The following RERE variants were observed in gnomAD, a reference collection of about 807,000 sequenced individuals.
The protein encoded by RERE is arginine-glutamic acid dipeptide repeats.
RERE carries 40 observed loss-of-function variants against 146.1 expected under a neutral mutation model. The observed-to-expected ratio is 0.27, with a 90% CI of 0.21 to 0.36. The LOEUF (loss-of-function observed/expected upper bound fraction) is 0.36. Ranked by LOEUF, RERE falls within the 10% of genes least tolerant of loss-of-function variation. The pLI, the probability that RERE is intolerant of heterozygous loss-of-function variation, is 1.00. For synonymous variants in RERE, 1,003 were observed against 866.0 expected, an observed-to-expected ratio of 1.16 and a Z score of -2.78; for missense variants, 1,933 against 2,138.7, an observed-to-expected ratio of 0.90 and a Z score of 1.90.
intron 1 of RERE, among the ~76,000 whole-genome samples, chr1:8,694,977 G>GGGA (rs1553135217): frequency 1.6e-5 from 2 of 127,536 alleles, no homozygotes; most frequent in Admixed American, 8.5e-5. Flanking sequence ...ATCCTAAGGG[G>GGGA]GGGGGGGGAA....
At chr1:8,716,167 A>C (rs998273181) in intron 1 of RERE, among the ~76,000 whole-genome samples, 2 of 151,800 alleles carry the variant, frequency 1.3e-5, no homozygotes, top group African/African-American at 4.8e-5. Context: ...AAAGACAAAA[A>C]GAAAAGATAA....
At chr1:8,565,543 C>T (rs1306021582) in intron 4 of RERE, among the ~76,000 whole-genome samples, 1 of 152,066 alleles carries the variant, frequency 6.6e-6, no homozygotes, top group African/African-American at 2.4e-5. Flanking sequence ...CCTGTCTCTA[C>T]TAAAAATACA....
At chr1:8,382,391 A>G (rs990831472) in intron 12 of RERE, among the ~76,000 whole-genome samples, 1 of 152,260 alleles carries the variant, frequency 6.6e-6, no homozygotes, top group Non-Finnish European at 1.5e-5. Context: ...CTGCCTCCAC[A>G]TGAATTAACG....
At chr1:8,475,104 T>C (rs4995074) in intron 10 of RERE, among the ~76,000 whole-genome samples, 1 of 152,080 alleles carries the variant, frequency 6.6e-6, no homozygotes, top group Admixed American at 6.5e-5. Context: ...CCACGTGCAG[T>C]GGCTTACACC....
intron 1 of RERE, among the ~76,000 whole-genome samples, chr1:8,780,164 C>G (rs1265361010): frequency 6.6e-6 from 1 of 152,188 alleles, no homozygotes; most frequent in Non-Finnish European, 1.5e-5. Flanking sequence ...AATGCCAACT[C>G]TGTCACTAAT....
At chr1:8,534,285 A>G (rs1645696677) in intron 7 of RERE, among the ~76,000 whole-genome samples, 1 of 152,246 alleles carries the variant, frequency 6.6e-6, no homozygotes, top group African/African-American at 2.4e-5. Flanking sequence ...GAAAATTAAG[A>G]AATAAAGACA....
chr1:8,662,880 G>C (rs1299645263), intron 1 of RERE, among the ~76,000 whole-genome samples: 1 of 152,052 alleles, frequency 6.6e-6, no homozygotes, highest in African/African-American at 2.4e-5. Flanking sequence ...CTGTAAAAGG[G>C]GACAAGACCT....
chr1:8,685,889 A>T (rs1639074930), intron 1 of RERE, among the ~76,000 whole-genome samples: 1 of 152,204 alleles, frequency 6.6e-6, no homozygotes, highest in African/African-American at 2.4e-5. Context: ...CTTACTGGAC[A>T]TGTGAGTGGA....
At chr1:8,782,400 T>A (rs1442833858) in intron 1 of RERE, among the ~76,000 whole-genome samples, 1 of 152,168 alleles carries the variant, frequency 6.6e-6, no homozygotes, top group African/African-American at 2.4e-5. Context: ...TCCCTGGACT[T>A]CGTCCTTGAA....
Position 8,360,694 on chromosome 1 carries a change from TG to T in RERE, c.2812del (p.Gln938SerfsTer22), listed in dbSNP as rs1641532840. On this transcript the variant is annotated frameshift_variant, in exon 18 of 23. Coordinates refer to ENST00000400908, the MANE Select transcript of RERE (RefSeq NM_001042681.2). LOFTEE classifies it high-confidence loss of function. Reference sequence around the variant, plus strand: ...CTTGTGGGCCTGTGGCGCCGGCAGCTGGGGGATGGGAGTGGTAGGCGGGGGC... The same window carrying T: ...CTTGTGGGCCTGTGGCGCCGGCAGCTGGGGATGGGAGTGGTAGGCGGGGGC... ...IKPPPTTPIP[Q>X]LPAPQAHKHP... is the part of the protein sequence containing the mutation. The T allele has an allele frequency of 2.7e-6, 4 of 1,456,412 alleles. No individual in the cohort carries two copies. Among genetic ancestry groups the T allele is most frequent in the South Asian group, 1.3e-5 (1 of 78,202 alleles). 90.2% of individuals were successfully genotyped at this position (1,456,412 alleles called of 1,614,324 possible). A position where few individuals can be genotyped will look rare whatever the true frequency, so the allele number is the denominator to read the frequency against.
intron 12 of RERE, among the ~76,000 whole-genome samples, chr1:8,422,154 GTAGTTTTTTGT>G (rs1341473888): frequency 1.3e-4 from 20 of 152,224 alleles, no homozygotes; most frequent in African/African-American, 4.8e-4. Flanking sequence ...GAAATACTAA[GTAGTTTTTTGT>G]AAAGCTCCAT....
intron 4 of RERE, among the ~76,000 whole-genome samples, chr1:8,585,731 A>G (rs1179968166): frequency 6.6e-6 from 1 of 152,222 alleles, no homozygotes; most frequent in Non-Finnish European, 1.5e-5. Context: ...ACTCCAATGT[A>G]TTATTTGAAA....
intron 11 of RERE, among the ~76,000 whole-genome samples, chr1:8,444,636 A>C (rs543406102): frequency 6.6e-6 from 1 of 152,314 alleles, no homozygotes; most frequent in Non-Finnish European, 1.5e-5. Context: ...GCCTGGTGGA[A>C]GGTTACTGGA....
chr1:8,466,895 T>A (rs751606923), intron 10 of RERE, among the ~76,000 whole-genome samples: 2 of 152,224 alleles, frequency 1.3e-5, no homozygotes, highest in African/African-American at 2.4e-5. Context: ...AACTTGCAGA[T>A]AATGTAGAGA....
intron 1 of RERE, among the ~76,000 whole-genome samples, chr1:8,725,758 A>T (rs1006981932): frequency 2.6e-5 from 4 of 152,164 alleles, no homozygotes; most frequent in African/African-American, 9.7e-5. Context: ...ATGTAAGATG[A>T]GTCAATAACA....
rs116866363 is a variant in RERE at position 8,405,983 on chromosome 1, A to C, written c.1284+16744T>G. Among the ~76,000 whole-genome samples, 6 of 152,208 alleles carry C rather than the reference A, an allele frequency of 3.9e-5. No homozygotes were observed. In the East Asian group the frequency reaches 1.2e-3, roughly 29 times the overall value. On this transcript the variant is annotated intron_variant, in intron 12 of 22. Coordinates refer to ENST00000400908, the MANE Select transcript of RERE (RefSeq NM_001042681.2). ...TTTTTCTGTGTTTTCAAGGGGGAAA[A>C]AAATTACTAAAAACAGACCCCTTCC...
chr1:8,380,962 A>G (rs1642428263), intron 12 of RERE: 1 of 456,518 alleles, frequency 2.2e-6, no homozygotes, highest in Non-Finnish European at 4.4e-6. Flanking sequence ...TCCCTGGGTA[A>G]AAGGGACCAA....
At chr1:8,608,392 T>C (rs1237235903) in intron 4 of RERE, among the ~76,000 whole-genome samples, 1 of 152,038 alleles carries the variant, frequency 6.6e-6, no homozygotes, top group Non-Finnish European at 1.5e-5. Flanking sequence ...TAGTCCTAGC[T>C]ACATGAGAAG....
At chr1:8,591,014 A>G (rs1309986097) in intron 4 of RERE, among the ~76,000 whole-genome samples, 1 of 152,230 alleles carries the variant, frequency 6.6e-6, no homozygotes, top group African/African-American at 2.4e-5. Flanking sequence ...TTACTTGGCT[A>G]TATCAGATGT....
Sources: gnomAD v4.1 joint callset for allele counts (sites outside exome capture counted in the v4.1 genomes callset) on GRCh38, gnomAD v4.1.1 for gene constraint, MANE v1.5 for transcripts, NCBI Gene and HGNC (gene_info 2026-07-23, HGNC 2026-07-21) for gene names.